The following IFT140 variants were observed in gnomAD, a reference collection of about 807,000 sequenced individuals.
The protein encoded by IFT140 is intraflagellar transport 140, also known as intraflagellar transport protein 140 homolog.
A neutral mutation model predicts 164.6 loss-of-function variants in IFT140; 133 were observed. The observed-to-expected ratio is 0.81, with a 90% CI of 0.70 to 0.93. The LOEUF (loss-of-function observed/expected upper bound fraction) is 0.93, where lower values mean the gene tolerates loss of function less well. IFT140 is among the 40% of genes least tolerant of loss of function. The pLI, the probability that IFT140 is intolerant of heterozygous loss-of-function variation, is 0.00. For missense variants in IFT140, 2,045 were observed against 1,972.3 expected (o/e 1.04, Z -0.70); for synonymous variants, 860 against 817.3 (o/e 1.05, Z -0.89).
In IFT140 at chr16:1,602,486, C is replaced by A; in HGVS notation, c.253G>T (p.Val85Leu). 1 of 1,614,220 alleles carries A rather than the reference C, an allele frequency of 6.2e-7. No homozygotes were observed. Among genetic ancestry groups the A allele is most frequent in the African/African-American group, 1.3e-5 (1 of 75,054 alleles). Reference protein sequence around the residue: ...VLAVGWETGEVTVFNKQDKEQ... With the variant: ...VLAVGWETGELTVFNKQDKEQ... ...TTGTCCTGCTTGTTAAACACCGTCA[C>A]TTCTCCAGTCTCCCAGCCCACAGCC... The change falls in exon 4 of 31, where the codon GTG becomes TTG. Residue 85 changes from valine (V) to leucine (L), a missense_variant. By Grantham distance (32) the Val-to-Leu change is conservative. Transcript: ENST00000426508.
intron 30 of IFT140, chr16:1,514,173 C>G (rs927403457): frequency 6.6e-6 from 1 of 151,356 alleles, no homozygotes; most frequent in Non-Finnish European, 1.5e-5. Flanking sequence ...TCGAGACCAT[C>G]CTGGCTAACA....
At chr16:1,580,966 T>C (rs758040367) in intron 12 of IFT140, 116 bp from the exon 13 acceptor site, 3 of 702,216 alleles carry the variant, frequency 4.3e-6, no homozygotes, top group East Asian at 5.4e-5. Flanking sequence ...CACAGCTTCA[T>C]AGGGGTGCAC....
intron 19 of IFT140, among the ~76,000 whole-genome samples, chr16:1,545,460 G>C (rs996261688): frequency 6.6e-6 from 1 of 152,232 alleles, no homozygotes; most frequent in East Asian, 1.9e-4. Flanking sequence ...TGACAAACAG[G>C]ACAGAAAGTA....
chr16:1,544,813 T>G (rs569721093), intron 19 of IFT140, among the ~76,000 whole-genome samples: 30 of 150,792 alleles, frequency 2.0e-4, no homozygotes, highest in Admixed American at 6.6e-4. Flanking sequence ...CACGCCTGGC[T>G]AATTTTTTGT....
chr16:1,599,467 G>A (rs2035654596), intron 4 of IFT140, among the ~76,000 whole-genome samples: 2 of 93,034 alleles, frequency 2.1e-5, no homozygotes, highest in Non-Finnish European at 2.1e-5. Context: ...CCGGGAGGGA[G>A]GTGGGGGGGT....
chr16:1,539,178 C>T (rs2031383473), intron 19 of IFT140, among the ~76,000 whole-genome samples: 1 of 151,698 alleles, frequency 6.6e-6, no homozygotes, highest in Admixed American at 6.6e-5. Context: ...GCCACGCCGC[C>T]CCACGCCTTG....
chr16:1,525,928 C>A lies in IFT140; in HGVS notation c.2727G>T (p.Gly909=). 1 of 1,569,536 alleles carries A rather than the reference C, an allele frequency of 6.4e-7. No homozygotes were observed. Among genetic ancestry groups the A allele is most frequent in the Non-Finnish European group, 8.6e-7 (1 of 1,159,142 alleles). The change falls in exon 21 of 31, where the codon GGG becomes GGT. Residue 909 remains glycine, a synonymous_variant. Transcript: ENST00000426508. The stretch of plus-strand genomic sequence containing the variant: ...TGCAGTCGGCGCTGGCCTCCAGGTG[C>A]CCGGCATAGCGGTGGTAGGTGCTGC... The part of the protein sequence containing the change: ...HLRSTYHRYA[G]HLEASADCSR...
At chr16:1,534,500 G>T (rs1238027008) in intron 19 of IFT140, 1 of 1,608,974 alleles carries the variant, frequency 6.2e-7, no homozygotes, top group South Asian at 1.1e-5. Context: ...ACTGTGAGGC[G>T]CTGGGCTGGG....
intron 1 of IFT140, among the ~76,000 whole-genome samples, 152 bp downstream of exon 1, chr16:1,611,813 CAAA>C (rs553272330): frequency 9.8e-5 from 8 of 81,908 alleles, no homozygotes; most frequent in Admixed American, 1.1e-4. Context: ...AACTCCGTCT[CAAA>C]AAAAAAAAAA....
chr16:1,589,523 G>A, intron 7 of IFT140, 82 bp downstream of exon 7: 2 of 1,433,402 alleles, frequency 1.4e-6, no homozygotes, highest in Non-Finnish European at 1.9e-6. Flanking sequence ...TTGCTATCCA[G>A]AAGAGAAAGG....
At chr16:1,540,855 G>A (rs1015789253) in intron 19 of IFT140, 3 of 985,318 alleles carry the variant, frequency 3.0e-6, no homozygotes, top group Non-Finnish European at 3.6e-6. Flanking sequence ...GCGATGACAG[G>A]CTAGGGACTC....
chr16:1,524,434 G>A, intron 24 of IFT140, 118 bp downstream of exon 24: 2 of 1,358,078 alleles, frequency 1.5e-6, no homozygotes, highest in South Asian at 2.8e-5. Flanking sequence ...AGCAGTGAGT[G>A]GCAGACACTG....
intron 13 of IFT140, chr16:1,576,609 A>ATTT (rs1567392302): frequency 4.0e-5 from 6 of 151,852 alleles, no homozygotes; most frequent in African/African-American, 1.2e-4. Context: ...AAAAAAACAA[A>ATTT]TTTTGACTTT....
At chr16:1,580,640 T>C in intron 13 of IFT140, 119 bp downstream of exon 13, 4 of 682,310 alleles carry the variant, frequency 5.9e-6, no homozygotes, top group Non-Finnish European at 1.0e-5. Context: ...GGTAGTTCTT[T>C]ACACAGTGTG....
intron 19 of IFT140, among the ~76,000 whole-genome samples, chr16:1,529,319 G>A (rs978875393): frequency 5.3e-5 from 8 of 152,226 alleles, no homozygotes; most frequent in South Asian, 2.1e-4. Context: ...GGTGCCAAGC[G>A]TCTGGGGGGC....
At chr16:1,540,008 G>A (rs943018099) in intron 19 of IFT140, among the ~76,000 whole-genome samples, 5 of 152,226 alleles carry the variant, frequency 3.3e-5, no homozygotes, top group East Asian at 3.9e-4. Flanking sequence ...CCTCCGCCCC[G>A]AGTGACAGGA....
chr16:1,523,813 G>C lies in IFT140; in HGVS notation c.3270+15C>G, dbSNP rs762542685. ...CTGCCCCTCCCCCAGGTCCCCACCG[G>C]TGGCCAGCCCTCACCTTGTGGTACA... On this transcript the variant is annotated intron_variant, in intron 25 of 30. Coordinates refer to ENST00000426508, the MANE Select transcript of IFT140 (RefSeq NM_014714.4). The C allele has an allele frequency of 6.8e-6, 11 of 1,611,546 alleles. No individual in the cohort carries two copies. The highest frequency in any genetic ancestry group is 9.3e-6 in the Non-Finnish European group (11 of 1,179,522).
intron 19 of IFT140, chr16:1,555,188 T>C: frequency 3.4e-6 from 3 of 884,524 alleles, no homozygotes; most frequent in Non-Finnish European, 5.0e-6. Flanking sequence ...GCGTTTACTG[T>C]TATGTCGGTC....
intron 19 of IFT140, chr16:1,554,945 C>T (rs2032968647): frequency 6.2e-7 from 1 of 1,614,044 alleles, no homozygotes; most frequent in South Asian, 1.1e-5. Context: ...GCATGGCCCC[C>T]CGGGTGATTG....
Sources: gnomAD v4.1 joint callset for allele counts (sites outside exome capture counted in the v4.1 genomes callset) on GRCh38, gnomAD v4.1.1 for gene constraint, MANE v1.5 for transcripts, NCBI Gene and HGNC (gene_info 2026-07-23, HGNC 2026-07-21) for gene names.